The following SSUH2 variants were observed in gnomAD, a reference collection of about 807,000 sequenced individuals.
SSUH2 encodes protein SSUH2 homolog.
A neutral mutation model predicts 55.3 loss-of-function variants in SSUH2; 47 were observed. The ratio of observed to expected loss-of-function variants is 0.85; its 90% confidence interval spans 0.67 to 1.08. The LOEUF (loss-of-function observed/expected upper bound fraction) is 1.08, where lower values mean the gene tolerates loss of function less well. Among genes scored for constraint, SSUH2 ranks in the 50% least tolerant of loss-of-function variants. SSUH2 has a pLI of 0.00. For missense variants in SSUH2, 535 were observed against 490.7 expected, an observed-to-expected ratio of 1.09 and a Z score of -0.85; for synonymous variants, 212 against 191.5, an observed-to-expected ratio of 1.11 and a Z score of -0.89.
intron 7 of SSUH2, among the ~76,000 whole-genome samples, chr3:8,658,730 C>CA (rs1243014011): frequency 6.6e-6 from 1 of 151,906 alleles, no homozygotes; most frequent in Non-Finnish European, 1.5e-5. Context: ...TTTCAGGCCA[C>CA]AAAAAAACAG....
intron 11 of SSUH2, among the ~76,000 whole-genome samples, chr3:8,621,924 C>T (rs1696525144): frequency 6.6e-6 from 1 of 151,594 alleles, no homozygotes; most frequent in African/African-American, 2.4e-5. Flanking sequence ...AATACCAGCC[C>T]CCCCACAACC....
intron 2 of SSUH2, among the ~76,000 whole-genome samples, chr3:8,678,467 G>T (rs550208533): frequency 6.7e-6 from 1 of 149,842 alleles, no homozygotes; most frequent in African/African-American, 2.4e-5. Flanking sequence ...TCCCCCCCTG[G>T]CTCTTAGGAC....
In SSUH2 at chr3:8,626,304, C is replaced by A; in HGVS notation, c.692G>T (p.Gly231Val). 2 of 1,614,088 alleles carry A rather than the reference C, an allele frequency of 1.2e-6. No individual in the cohort carries two copies. Among genetic ancestry groups the A allele is most frequent in the Non-Finnish European group, 1.7e-6 (2 of 1,179,958 alleles). ...GGTGGCGCAGGTCTTGTTCCCTCTC[C>A]CTGAGCAAGTGCTGCATCTGAGAAA... ...SGRRRCSTCS[G>V]RGNKTCATCK... is the part of the protein sequence containing the mutation. The change falls in exon 9 of 12, where the codon GGG becomes GTG. Residue 231 changes from glycine to valine, a missense_variant. By Grantham distance (109) the Gly-to-Val change is moderately radical (BLOSUM62 -3). Coordinates refer to ENST00000544814, the MANE Select transcript of SSUH2 (RefSeq NM_001256748.3).
intron 5 of SSUH2, 41 bp from the exon 6 acceptor site, chr3:8,630,970 G>T (rs1698657046): frequency 1.5e-6 from 2 of 1,336,896 alleles, no homozygotes; most frequent in Admixed American, 6.1e-5. Context: ...ACGAAGGGCA[G>T]CAGGGATAAA....
At chr3:8,633,840 T>C (rs750020494) in intron 3 of SSUH2, 45 bp from the exon 4 acceptor site, 15 of 1,613,116 alleles carry the variant, frequency 9.3e-6, no homozygotes, top group Non-Finnish European at 1.2e-5. Context: ...GGGAAGGGCC[T>C]GTGGACTCAC....
chr3:8,626,347 C>G, intron 8 of SSUH2, 26 bp from the exon 9 acceptor site: 1 of 1,599,466 alleles, frequency 6.3e-7, no homozygotes, highest in South Asian at 1.1e-5. Context: ...AGTCCGTACC[C>G]CCAGATCAGT....
At chr3:8,674,846 TCTGGCCAAGCG>T in intron 3 of SSUH2, among the ~76,000 whole-genome samples, 1 of 147,140 alleles carries the variant, frequency 6.8e-6, no homozygotes, top group Non-Finnish European at 1.5e-5. Flanking sequence ...GAAGACAAGC[TCTGGCCAAGCG>T]GTGGCCAAGG....
rs544906171 is a variant in SSUH2 at position 8,681,152 on chromosome 3, T to C, written c.-1046+739A>G. The stretch of plus-strand genomic sequence containing the variant: ...CTCTTCCCCCCCTGCCTCTTAGGAC[T>C]TCCATAGCAGGGGGGGGAGTCACCC... On this transcript the variant is annotated intron_variant, in intron 1 of 18. Coordinates refer to the SSUH2 transcript ENST00000317371. 5.6e-4 allele frequency among the ~76,000 whole-genome samples: 60 copies of C among 107,264 alleles called. 1 individual carries two copies. The highest frequency in any genetic ancestry group is 9.7e-4 in the Non-Finnish European group (48 of 49,584). The allele number at this position is 107,264 out of a possible 152,430, so 70.4% of individuals were successfully genotyped here.
intron 1 of SSUH2, among the ~76,000 whole-genome samples, chr3:8,643,055 A>G (rs1701127832): frequency 6.6e-6 from 1 of 152,190 alleles, no homozygotes. Flanking sequence ...AAAAGGCATG[A>G]GGTCAAAACA....
chr3:8,644,728 T>C lies in SSUH2; in HGVS notation c.28+3A>G. ...TCCGTGCCATCTTTGAGGCTCTACTTACTGTCATCTTCATTCAGATCCCTG... is the reference window on the plus strand; with the variant it reads ...TCCGTGCCATCTTTGAGGCTCTACTCACTGTCATCTTCATTCAGATCCCTG... On this transcript the variant is annotated splice_donor_region_variant and intron_variant, in intron 1 of 11. Coordinates refer to ENST00000544814, the MANE Select transcript of SSUH2 (RefSeq NM_001256748.3). 1 of 1,535,990 alleles carries C rather than the reference T, an allele frequency of 6.5e-7. No homozygotes were observed. Among genetic ancestry groups the C allele is most frequent in the Non-Finnish European group, 8.7e-7 (1 of 1,146,782 alleles).
chr3:8,632,295 G>A (rs1273601883), intron 4 of SSUH2, among the ~76,000 whole-genome samples, 186 bp from the exon 5 acceptor site: 3 of 152,138 alleles, frequency 2.0e-5, no homozygotes, highest in Admixed American at 6.5e-5. Flanking sequence ...CATGTCTGCA[G>A]GGAAGTCAGC....
chr3:8,676,839 C>T (rs1339563770), intron 3 of SSUH2, among the ~76,000 whole-genome samples: 10 of 147,688 alleles, frequency 6.8e-5, no homozygotes, highest in African/African-American at 2.3e-4. Context: ...CTCTTCCCCA[C>T]CTGGCCCTTA....
intron 3 of SSUH2, among the ~76,000 whole-genome samples, chr3:8,676,041 TG>T (rs1705217641): frequency 6.6e-6 from 1 of 152,130 alleles, no homozygotes; most frequent in African/African-American, 2.4e-5. Context: ...AGCTGACTCT[TG>T]GGCAAAACCT....
chr3:8,643,828 G>T (rs1701276624), intron 1 of SSUH2, among the ~76,000 whole-genome samples: 1 of 152,234 alleles, frequency 6.6e-6, no homozygotes, highest in East Asian at 1.9e-4. Context: ...CACCCTCATG[G>T]TCCTCAGATT....
chr3:8,675,667 C>T (rs111786392), intron 3 of SSUH2, among the ~76,000 whole-genome samples: 2 of 152,240 alleles, frequency 1.3e-5, no homozygotes, highest in African/African-American at 4.8e-5. Context: ...TTCTTAGGAG[C>T]TGTGGGGTTT....
In SSUH2 at chr3:8,619,780, A is replaced by T; in HGVS notation, c.*88T>A. 6.7e-7 allele frequency: 1 copy of T among 1,488,008 alleles called. No individual in the cohort carries two copies. The highest frequency in any genetic ancestry group is 9.1e-7 in the Non-Finnish European group (1 of 1,095,342). The allele number at this position is 1,488,008 out of a possible 1,614,324, so 92.2% of individuals were successfully genotyped here. On this transcript the variant is annotated 3_prime_UTR_variant, in exon 12 of 12. Transcript: ENST00000544814. ...GCCAGGGTTTGTATGTGATTGTCCA[A>T]TGCAGCCAACAGTGAACACACTCAG... is the stretch of plus-strand genomic sequence containing the variant.
At chr3:8,627,913 A>C in intron 7 of SSUH2, 130 bp from the exon 8 acceptor site, 1 of 638,026 alleles carries the variant, frequency 1.6e-6, no homozygotes, top group Non-Finnish European at 2.5e-6. Context: ...TCATCTGTAA[A>C]ATGGTGCGGG....
In SSUH2 at chr3:8,654,056, T is replaced by C. The variant is rs369773315; in HGVS notation, c.-307+4869A>G. On this transcript the variant is annotated intron_variant, in intron 7 of 18. Transcript: ENST00000317371. ...GGTGGCTTAAATGACAGAAATGTATTTTCTCACCATTTGGATGGCTGGAAT... is the reference window on the plus strand; with the variant it reads ...GGTGGCTTAAATGACAGAAATGTATCTTCTCACCATTTGGATGGCTGGAAT... Among the ~76,000 whole-genome samples the C allele has an allele frequency of 3.1e-4, 47 of 152,302 alleles. No homozygotes were observed. In the East Asian group the frequency reaches 6.0e-3, roughly 19 times the overall value.
intron 1 of SSUH2, among the ~76,000 whole-genome samples, chr3:8,641,094 T>C (rs1700752757): frequency 6.6e-6 from 1 of 152,152 alleles, no homozygotes; most frequent in Non-Finnish European, 1.5e-5. Flanking sequence ...GCGGCACCAC[T>C]GGGCACCCCC....
Sources: gnomAD v4.1 joint callset for allele counts (sites outside exome capture counted in the v4.1 genomes callset) on GRCh38, gnomAD v4.1.1 for gene constraint, MANE v1.5 for transcripts, NCBI Gene and HGNC (gene_info 2026-07-23, HGNC 2026-07-21) for gene names.